Variants in PLCB4 observed in about 807,000 individuals in gnomAD.
The protein encoded by PLCB4 is phospholipase C beta 4.
Under a neutral mutation model 178.8 loss-of-function variants are expected in PLCB4, and 77 were observed. That is an observed-to-expected ratio of 0.43 (90% CI 0.36 to 0.52). PLCB4 has a LOEUF of 0.52. PLCB4 is among the 20% of genes least tolerant of loss of function. PLCB4 has a pLI of 0.00. For synonymous variants in PLCB4, 496 were observed against 490.8 expected, an observed-to-expected ratio of 1.01 and a Z score of -0.14; for missense variants, 1,024 against 1,453.4, an observed-to-expected ratio of 0.70 and a Z score of 4.80.
At chr20:9,324,730 C>A (rs1422377241) in intron 4 of PLCB4, among the ~76,000 whole-genome samples, 1 of 151,902 alleles carries the variant, frequency 6.6e-6, no homozygotes, top group Non-Finnish European at 1.5e-5. Flanking sequence ...ATTTTAGACA[C>A]AATAAAAAGT....
chr20:9,411,146 T>TA (rs2039829949), intron 25 of PLCB4, 58 bp downstream of exon 25: 1 of 1,127,270 alleles, frequency 8.9e-7, no homozygotes, highest in African/African-American at 1.5e-5. Flanking sequence ...ACTACAGCTC[T>TA]AATGAAGCCA....
intron 1 of PLCB4, among the ~76,000 whole-genome samples, chr20:9,081,771 A>AAAAAAG: frequency 6.6e-6 from 1 of 151,248 alleles, no homozygotes; most frequent in African/African-American, 2.4e-5. Context: ...GATTAAGCAA[A>AAAAAAG]AAAAAAAAAA....
At chr20:9,076,467 A>G (rs1341385079) in intron 1 of PLCB4, among the ~76,000 whole-genome samples, 1 of 152,184 alleles carries the variant, frequency 6.6e-6, no homozygotes, top group Admixed American at 6.5e-5. Context: ...ACTCTGTCTC[A>G]AAAAATAAAT....
chr20:9,364,758 T>C (rs2035630579), intron 8 of PLCB4, among the ~76,000 whole-genome samples: 1 of 152,202 alleles, frequency 6.6e-6, no homozygotes, highest in Non-Finnish European at 1.5e-5. Flanking sequence ...ACATTATTGA[T>C]TGGAAACAGG....
chr20:9,417,820 C>A (rs571664861), intron 25 of PLCB4, among the ~76,000 whole-genome samples: 2 of 152,162 alleles, frequency 1.3e-5, no homozygotes, highest in African/African-American at 4.8e-5. Context: ...CTCCTACTAG[C>A]AACATATGAG....
At chr20:9,162,205 G>A (rs148466562) in intron 2 of PLCB4, among the ~76,000 whole-genome samples, 2 of 152,178 alleles carry the variant, frequency 1.3e-5, no homozygotes, top group African/African-American at 4.8e-5. Context: ...CTGAAACAAT[G>A]AGTTGACTTT....
intron 7 of PLCB4, among the ~76,000 whole-genome samples, chr20:9,351,797 A>G (rs527588255): frequency 6.6e-6 from 1 of 152,380 alleles, no homozygotes; most frequent in South Asian, 2.1e-4. Context: ...TTGATCTCAG[A>G]CTAAGCAGGT....
At chr20:9,188,173 T>C (rs1033447258) in intron 2 of PLCB4, among the ~76,000 whole-genome samples, 2 of 152,096 alleles carry the variant, frequency 1.3e-5, no homozygotes, top group Admixed American at 6.6e-5. Context: ...GTGTGCCAGA[T>C]GGTAATGTGT....
intron 28 of PLCB4, among the ~76,000 whole-genome samples, chr20:9,434,366 TTTTA>T (rs2041626255): frequency 6.6e-6 from 1 of 152,126 alleles, no homozygotes; most frequent in South Asian, 2.1e-4. Flanking sequence ...TGTTATTTTA[TTTTA>T]TTTGTTTATT....
At chr20:9,360,174 T>G (rs1230799820) in intron 7 of PLCB4, among the ~76,000 whole-genome samples, 5 of 152,330 alleles carry the variant, frequency 3.3e-5, no homozygotes, top group African/African-American at 1.2e-4. Flanking sequence ...ACTTTCATCA[T>G]TGCAAGAAGA....
At chr20:9,314,146 C>T (rs751399436) in intron 4 of PLCB4, among the ~76,000 whole-genome samples, 1 of 152,084 alleles carries the variant, frequency 6.6e-6, no homozygotes, top group Non-Finnish European at 1.5e-5. Flanking sequence ...CAGTGGAGTA[C>T]AGGGGTGAAG....
chr20:9,256,600 C>T (rs1285939921), intron 3 of PLCB4, among the ~76,000 whole-genome samples: 5 of 152,166 alleles, frequency 3.3e-5, no homozygotes, highest in Admixed American at 3.3e-4. Flanking sequence ...AAGTTGCACA[C>T]CATCTGCTGA....
At chr20:9,381,976 G>A (rs146624236) in intron 13 of PLCB4, among the ~76,000 whole-genome samples, 2 of 152,156 alleles carry the variant, frequency 1.3e-5, no homozygotes, top group East Asian at 3.9e-4. Flanking sequence ...AAACTCTCCA[G>A]TCCTAACCTC....
chr20:9,384,444 T>C (rs543543517), intron 14 of PLCB4, 33 bp downstream of exon 14: 7 of 1,382,228 alleles, frequency 5.1e-6, no homozygotes, highest in Non-Finnish European at 6.2e-6. Flanking sequence ...TTGTTTTTTG[T>C]GTGTGATGCC....
chr20:9,391,159 A>C (rs766969050), intron 17 of PLCB4, among the ~76,000 whole-genome samples: 62 of 152,246 alleles, frequency 4.1e-4, no homozygotes, highest in Non-Finnish European at 1.3e-4. Context: ...AATGTTGCAC[A>C]TACATTTTTG....
intron 2 of PLCB4, among the ~76,000 whole-genome samples, chr20:9,183,472 A>G (rs6039405): frequency 0.03 from 4,640 of 152,252 alleles, 126 homozygotes; most frequent in African/African-American, 0.065. Flanking sequence ...TTCCATCACC[A>G]CACATAAGAA....
intron 2 of PLCB4, among the ~76,000 whole-genome samples, chr20:9,181,302 C>T (rs1430133559): frequency 1.3e-5 from 2 of 152,152 alleles, no homozygotes; most frequent in Non-Finnish European, 2.9e-5. Context: ...GGGTACCAAG[C>T]ATTGTTTTTG....
chr20:9,206,746 A>T (rs2147218525), intron 2 of PLCB4, among the ~76,000 whole-genome samples: 1 of 152,360 alleles, frequency 6.6e-6, no homozygotes, highest in South Asian at 2.1e-4. Context: ...AAACACAAGT[A>T]GCCAAGGACC....
chr20:9,196,428 A>T, intron 2 of PLCB4, among the ~76,000 whole-genome samples: 1 of 152,170 alleles, frequency 6.6e-6, no homozygotes. Context: ...TTAGACTTTG[A>T]TGAAGGAAAG....
Sources: gnomAD v4.1 joint callset for allele counts (sites outside exome capture counted in the v4.1 genomes callset) on GRCh38, gnomAD v4.1.1 for gene constraint, MANE v1.5 for transcripts, NCBI Gene and HGNC (gene_info 2026-07-23, HGNC 2026-07-21) for gene names.